RBFOX3: variants seen among roughly 807,000 people sequenced by gnomAD.
The protein encoded by RBFOX3 is RNA binding fox-1 homolog 3.
RBFOX3 carries 17 observed loss-of-function variants against 48.7 expected under a neutral mutation model. The observed-to-expected ratio is 0.35, with a 90% confidence interval of 0.24 to 0.52. The LOEUF (loss-of-function observed/expected upper bound fraction) is 0.52, where lower values mean the gene tolerates loss of function less well. Among genes scored for constraint, RBFOX3 ranks in the 20% least tolerant of loss-of-function variants. The pLI is 0.94. For missense variants in RBFOX3, 382 were observed against 497.5 expected (o/e 0.77, Z 2.21); for synonymous variants, 212 against 209.5 (o/e 1.01, Z -0.10).
chr17:79,238,253 G>A (rs1227633525), intron 3 of RBFOX3, among the ~76,000 whole-genome samples: 1 of 152,194 alleles, frequency 6.6e-6, no homozygotes, highest in African/African-American at 2.4e-5. Context: ...TCTTATTGGT[G>A]ATTTCTTTTC....
chr17:79,166,413 G>A (rs1317690277), intron 4 of RBFOX3, among the ~76,000 whole-genome samples: 2 of 152,186 alleles, frequency 1.3e-5, no homozygotes, highest in Non-Finnish European at 2.9e-5. Flanking sequence ...ATGGCCGGAG[G>A]GGATGATGTC....
intron 4 of RBFOX3, among the ~76,000 whole-genome samples, chr17:79,181,857 C>T (rs529479179): frequency 6.6e-6 from 1 of 152,112 alleles, no homozygotes; most frequent in Non-Finnish European, 1.5e-5. Context: ...CATTGCTCCA[C>T]CTTAAACCAC....
chr17:79,510,267 G>C (rs1393874018), intron 1 of RBFOX3, among the ~76,000 whole-genome samples: 2 of 152,072 alleles, frequency 1.3e-5, no homozygotes, highest in African/African-American at 4.8e-5. Flanking sequence ...GGGACTCTCG[G>C]CTCCCTGTAA....
chr17:79,222,917 G>T (rs896503200), intron 4 of RBFOX3, among the ~76,000 whole-genome samples: 1 of 152,146 alleles, frequency 6.6e-6, no homozygotes, highest in Non-Finnish European at 1.5e-5. Flanking sequence ...TGTGTCCCCC[G>T]GGCTCCATTC....
chr17:79,544,631 G>A (rs986596275), intron 1 of RBFOX3, among the ~76,000 whole-genome samples: 2 of 151,688 alleles, frequency 1.3e-5, no homozygotes, highest in East Asian at 3.9e-4. Context: ...CACCACACCT[G>A]CCCCACCACA....
intron 3 of RBFOX3, among the ~76,000 whole-genome samples, chr17:79,257,616 T>TGGATGGAGTGCTGTGGTGCA (rs1175493970): frequency 2.0e-5 from 3 of 152,218 alleles, no homozygotes; most frequent in Non-Finnish European, 4.4e-5. Context: ...AGTCTTGCTC[T>TGGATGGAGTGCTGTGGTGCA]GTTACCCAGG....
chr17:79,111,963 G>A lies in RBFOX3; in HGVS notation c.222+3531C>T, dbSNP rs961824383. 4.6e-5 allele frequency among the ~76,000 whole-genome samples: 7 copies of A among 152,252 alleles called. No homozygotes were observed. Among genetic ancestry groups the A allele is most frequent in the African/African-American group, 1.4e-4 (6 of 41,466 alleles). On this transcript the variant is annotated intron_variant, in intron 5 of 14. Coordinates refer to ENST00000693108, the MANE Select transcript of RBFOX3 (RefSeq NM_001350451.2). The surrounding 1 kb of genome is among the most constrained non-coding windows in gnomAD (Gnocchi z 4.2). ...TTGTCCAGAGAAGGCAGGTGATGTC[G>A]TGGTGAGCGGTGAGAGAAACGGAGC...
chr17:79,281,455 G>T (rs2070473920), intron 3 of RBFOX3, among the ~76,000 whole-genome samples: 1 of 151,920 alleles, frequency 6.6e-6, no homozygotes, highest in African/African-American at 2.4e-5. Context: ...GCTTAGAGAG[G>T]ACTATCCAGA....
intron 4 of RBFOX3, among the ~76,000 whole-genome samples, chr17:79,138,531 A>G (rs892955641): frequency 1.3e-5 from 2 of 152,050 alleles, no homozygotes; most frequent in African/African-American, 4.8e-5. Flanking sequence ...ACGCATATAC[A>G]CTGTGCATGC....
intron 2 of RBFOX3, among the ~76,000 whole-genome samples, chr17:79,337,941 AT>A (rs1159109203): frequency 4.0e-3 from 564 of 139,758 alleles, no homozygotes; most frequent in South Asian, 4.5e-3. Context: ...ACTTCTCCAG[AT>A]TTTTTTTTTT....
At chr17:79,420,512 T>G (rs1555721753) in intron 2 of RBFOX3, among the ~76,000 whole-genome samples, 4 of 152,144 alleles carry the variant, frequency 2.6e-5, no homozygotes, top group Non-Finnish European at 4.4e-5. Context: ...TCCACAGCCA[T>G]GTCCAGGCTC....
Position 79,205,365 on chromosome 17 carries a change from A to C in RBFOX3, c.-34+30401T>G, listed in dbSNP as rs1447337788. On this transcript the variant is annotated intron_variant, in intron 4 of 14. Coordinates refer to ENST00000693108, the MANE Select transcript of RBFOX3 (RefSeq NM_001350451.2). The surrounding 1 kb of genome is among the most constrained non-coding windows in gnomAD (Gnocchi z 4.5). ...ACATCCATCTTACAGCAGGTCTGTCAGGCTCATGGACCCATCCTGTGGTTT... is the reference window on the plus strand; with the variant it reads ...ACATCCATCTTACAGCAGGTCTGTCCGGCTCATGGACCCATCCTGTGGTTT... Among the ~76,000 whole-genome samples, 1 of 152,176 alleles carries C rather than the reference A, an allele frequency of 6.6e-6. No individual in the cohort carries two copies. Among genetic ancestry groups the C allele is most frequent in the East Asian group, 1.9e-4 (1 of 5,204 alleles).
At chr17:79,190,044 C>T (rs113171849) in intron 4 of RBFOX3, among the ~76,000 whole-genome samples, 4,721 of 152,202 alleles carry the variant, frequency 0.031, 99 homozygotes, top group Non-Finnish European at 0.046. Flanking sequence ...CTCTTGGTAC[C>T]CCCACTTGCT....
intron 4 of RBFOX3, among the ~76,000 whole-genome samples, chr17:79,202,774 T>C (rs1487153522): frequency 6.6e-6 from 1 of 152,262 alleles, no homozygotes; most frequent in Admixed American, 6.5e-5. Flanking sequence ...CTTCTGTTAC[T>C]GCCACGTGGG....
intron 1 of RBFOX3, among the ~76,000 whole-genome samples, chr17:79,574,612 C>A (rs1037394900): frequency 9.9e-4 from 151 of 152,318 alleles, no homozygotes; most frequent in African/African-American, 3.6e-3. Flanking sequence ...ATAATCCACC[C>A]CTTGTTTAGC....
chr17:79,170,410 G>A (rs934157481), intron 4 of RBFOX3, among the ~76,000 whole-genome samples: 1 of 152,032 alleles, frequency 6.6e-6, no homozygotes, highest in African/African-American at 2.4e-5. Context: ...GCCTGAGGGA[G>A]GGCTCCAGGG....
chr17:79,445,064 T>C (rs1000502093), intron 2 of RBFOX3, among the ~76,000 whole-genome samples: 10 of 152,148 alleles, frequency 6.6e-5, no homozygotes, highest in Non-Finnish European at 1.3e-4. Context: ...TCATGTGTGT[T>C]GGAGCCTGTG....
At chr17:79,464,544 C>T (rs1598812376) in intron 2 of RBFOX3, among the ~76,000 whole-genome samples, 1 of 152,204 alleles carries the variant, frequency 6.6e-6, no homozygotes, top group African/African-American at 2.4e-5. Flanking sequence ...GCTGGAGGAA[C>T]GTGCCGTGAT....
chr17:79,312,468 C>A (rs1291067504), intron 2 of RBFOX3, among the ~76,000 whole-genome samples: 1 of 152,036 alleles, frequency 6.6e-6, no homozygotes, highest in East Asian at 1.9e-4. Flanking sequence ...ACTGTGAGGG[C>A]AGGAGCATGA....
Sources: gnomAD v4.1 joint callset for allele counts (sites outside exome capture counted in the v4.1 genomes callset) on GRCh38, gnomAD v4.1.1 for gene constraint, Gnocchi (gnomAD v3.1) non-coding constraint, MANE v1.5 for transcripts, NCBI Gene and HGNC (gene_info 2026-07-23, HGNC 2026-07-21) for gene names.